The following IKZF1 variants were observed in gnomAD, a reference collection of about 807,000 sequenced individuals.
IKZF1 encodes DNA-binding protein Ikaros.
A neutral mutation model predicts 51.7 loss-of-function variants in IKZF1; 10 were observed. The observed-to-expected ratio is 0.19, with a 90% CI of 0.12 to 0.33. The LOEUF (loss-of-function observed/expected upper bound fraction) is 0.33, where lower values mean the gene tolerates loss of function less well. IKZF1 is among the 10% of genes least tolerant of loss of function. The probability of loss-of-function intolerance (pLI) is 1.00; values close to 1 mark genes in which losing one functional copy is unlikely to be tolerated. For synonymous variants in IKZF1, 280 were observed against 282.3 expected, an observed-to-expected ratio of 0.99 and a Z score of 0.08; for missense variants, 484 against 707.5, an observed-to-expected ratio of 0.68 and a Z score of 3.58.
chr7:50,355,870 C>A (rs1222423110), intron 3 of IKZF1, among the ~76,000 whole-genome samples: 1 of 152,210 alleles, frequency 6.6e-6, no homozygotes, highest in African/African-American at 2.4e-5. Flanking sequence ...GGCTGGAGGC[C>A]TCCCGGCTGT....
At chr7:50,323,712 T>C (rs1229349086) in intron 2 of IKZF1, among the ~76,000 whole-genome samples, 1 of 152,252 alleles carries the variant, frequency 6.6e-6, no homozygotes, top group African/African-American at 2.4e-5. Flanking sequence ...TCCGTCTCTG[T>C]GTGTTTGCAT....
At chr7:50,354,131 G>T (rs971246098) in intron 3 of IKZF1, among the ~76,000 whole-genome samples, 2 of 152,244 alleles carry the variant, frequency 1.3e-5, no homozygotes, top group African/African-American at 4.8e-5. Flanking sequence ...GTCTTTAGCA[G>T]TTCTCCCTGG....
At chr7:50,345,160 A>T (rs1291500483) in intron 3 of IKZF1, among the ~76,000 whole-genome samples, 1 of 152,086 alleles carries the variant, frequency 6.6e-6, no homozygotes, top group Admixed American at 6.5e-5. Flanking sequence ...ATCTGAATTG[A>T]CGGCATCCAG....
rs1818511179 is a variant in IKZF1 at position 50,403,646 on chromosome 7, A to C, written c.*3019A>C. The C allele has an allele frequency of 4.4e-6, 1 of 228,240 alleles. No individual in the cohort carries two copies. The highest frequency in any genetic ancestry group is 2.2e-5 in the African/African-American group (1 of 45,058). 14.1% of individuals were successfully genotyped at this position (228,240 alleles called of 1,614,324 possible). A position where few individuals can be genotyped will look rare whatever the true frequency, so the allele number is the denominator to read the frequency against. On this transcript the variant is annotated 3_prime_UTR_variant, in exon 8 of 8. Transcript: ENST00000331340. ...AGTCACTAAAACTCATCACATTATC[A>C]TTGCATATCAGCAAAGGGTAAAGTC...
In IKZF1 at chr7:50,379,512, C is replaced by A. The variant is rs1273817139; in HGVS notation, c.421+2719C>A. On this transcript the variant is annotated intron_variant, in intron 4 of 7. Coordinates refer to ENST00000331340, the MANE Select transcript of IKZF1 (RefSeq NM_006060.6). ...TCTGACTCGGGTGTAATAGTAACATCTTCCCCACCAATGTCTCAGGGTTAT... is the reference window on the plus strand; with the variant it reads ...TCTGACTCGGGTGTAATAGTAACATATTCCCCACCAATGTCTCAGGGTTAT... Among the ~76,000 whole-genome samples, 3 of 152,246 alleles carry A rather than the reference C, an allele frequency of 2.0e-5. No homozygotes were observed. The East Asian group carries it at 5.8e-4, about 29-fold the overall frequency.
At chr7:50,368,152 C>T (rs2153456239) in intron 3 of IKZF1, 1 of 703,576 alleles carries the variant, frequency 1.4e-6, no homozygotes. Flanking sequence ...CCTTCATCAA[C>T]CCCCGAGATA....
chr7:50,316,750 C>A (rs1208414467), intron 1 of IKZF1, among the ~76,000 whole-genome samples: 2 of 152,242 alleles, frequency 1.3e-5, no homozygotes, highest in African/African-American at 2.4e-5. Flanking sequence ...GCATTGATCA[C>A]CTCTGTCTCC....
chr7:50,373,429 C>G (rs900670905), intron 3 of IKZF1, among the ~76,000 whole-genome samples: 1 of 152,222 alleles, frequency 6.6e-6, no homozygotes, highest in Non-Finnish European at 1.5e-5. Context: ...TCAATTCTCT[C>G]TAGCTGGTTG....
intron 2 of IKZF1, 89 bp from the exon 3 acceptor site, chr7:50,327,549 T>C: frequency 6.8e-7 from 1 of 1,462,970 alleles, no homozygotes. Flanking sequence ...ACCTGCCTCC[T>C]CATGCCACCC....
At chr7:50,357,028 G>A (rs1435163993) in intron 3 of IKZF1, among the ~76,000 whole-genome samples, 1 of 151,886 alleles carries the variant, frequency 6.6e-6, no homozygotes, top group South Asian at 2.1e-4. Flanking sequence ...CCTGACTGCC[G>A]ACTCACCGGG....
At chr7:50,387,580 G>T in intron 6 of IKZF1, 110 bp downstream of exon 6, 3 of 1,388,288 alleles carry the variant, frequency 2.2e-6, no homozygotes, top group Non-Finnish European at 1.9e-6. Flanking sequence ...CCTGCTTCCT[G>T]CCGGGGCTAG....
At chr7:50,371,067 G>T (rs1450607593) in intron 3 of IKZF1, among the ~76,000 whole-genome samples, 1 of 152,190 alleles carries the variant, frequency 6.6e-6, no homozygotes, top group Non-Finnish European at 1.5e-5. Flanking sequence ...TGCAAATCGG[G>T]CAGGCGGGTT....
chr7:50,373,441 C>T (rs2153462744), intron 3 of IKZF1, among the ~76,000 whole-genome samples: 1 of 152,274 alleles, frequency 6.6e-6, no homozygotes, highest in Non-Finnish European at 1.5e-5. Flanking sequence ...AGCTGGTTGC[C>T]TCTGAATTTA....
intron 3 of IKZF1, among the ~76,000 whole-genome samples, chr7:50,365,319 A>G (rs998761583): frequency 5.3e-5 from 8 of 152,254 alleles, no homozygotes; most frequent in African/African-American, 1.9e-4. Context: ...GCGCTTATCA[A>G]TTCAGCATTA....
chr7:50,345,557 G>A (rs1273659097), intron 3 of IKZF1, among the ~76,000 whole-genome samples: 1 of 152,186 alleles, frequency 6.6e-6, no homozygotes, highest in African/African-American at 2.4e-5. Context: ...CAGCTAATGA[G>A]ACAGATGCAT....
At position 50,403,195 on chromosome 7, in the gene IKZF1, T is replaced by C. The variant is rs1818438157; in HGVS notation, c.*2568T>C. 4.6e-6 allele frequency: 1 copy of C among 219,690 alleles called. No homozygotes were observed. The highest frequency in any genetic ancestry group is 2.2e-5 in the African/African-American group (1 of 44,564). The allele number at this position is 219,690 out of a possible 1,614,324, so 13.6% of individuals were successfully genotyped here. A position where few individuals can be genotyped will look rare whatever the true frequency, so the allele number is the denominator to read the frequency against. On this transcript the variant is annotated 3_prime_UTR_variant, in exon 8 of 8. Transcript: ENST00000331340. ...TTGTAACACCATTTTTCTTTGAAAC[T>C]ATTGTATTTAAAGTAAGGTTTCATA...
At chr7:50,306,070 C>T (rs762819898) in intron 1 of IKZF1, among the ~76,000 whole-genome samples, 1 of 152,170 alleles carries the variant, frequency 6.6e-6, no homozygotes, top group Non-Finnish European at 1.5e-5. Flanking sequence ...AGAATTATTT[C>T]CGTGACAAAT....
rs2153487639 is a variant in IKZF1 at position 50,387,247 on chromosome 7, T to C, written c.590-98T>C. On this transcript the variant is annotated intron_variant, in intron 5 of 7. Coordinates refer to ENST00000331340, the MANE Select transcript of IKZF1 (RefSeq NM_006060.6). ...TTTAGCTCTCAAGGGTAGAATTTTT[T>C]TTTTAACTTTTTTGGTAATAATTGT... The C allele has an allele frequency of 4.2e-6, 6 of 1,415,620 alleles. No individual in the cohort carries two copies. In the South Asian group the frequency reaches 9.7e-5, roughly 23 times the overall value. The allele number at this position is 1,415,620 out of a possible 1,614,324, so 87.7% of individuals were successfully genotyped here.
intron 3 of IKZF1, among the ~76,000 whole-genome samples, chr7:50,372,233 A>G (rs1252500528): frequency 6.6e-6 from 1 of 152,168 alleles, no homozygotes; most frequent in African/African-American, 2.4e-5. Context: ...TGTAACCAGC[A>G]CCCACTTTGC....
Sources: gnomAD v4.1 joint callset for allele counts (sites outside exome capture counted in the v4.1 genomes callset) on GRCh38, gnomAD v4.1.1 for gene constraint, MANE v1.5 for transcripts, NCBI Gene and HGNC (gene_info 2026-07-23, HGNC 2026-07-21) for gene names.